QRSL1: variants seen among roughly 807,000 people sequenced by gnomAD.
QRSL1 encodes glutamyl-tRNA(Gln) amidotransferase subunit A, mitochondrial.
A neutral mutation model predicts 61.6 loss-of-function variants in QRSL1; 54 were observed. That is an observed-to-expected ratio of 0.88 (90% CI 0.70 to 1.10). QRSL1 has a LOEUF of 1.10. Among genes scored for constraint, QRSL1 ranks in the 50% least tolerant of loss-of-function variants. The pLI is 0.00. For synonymous variants in QRSL1, 228 were observed against 225.7 expected, an observed-to-expected ratio of 1.01 and a Z score of -0.09; for missense variants, 505 against 622.6, an observed-to-expected ratio of 0.81 and a Z score of 2.01.
At chr6:106,663,881 C>CT (rs1264806451) in intron 10 of QRSL1, among the ~76,000 whole-genome samples, 1 of 152,086 alleles carries the variant, frequency 6.6e-6, no homozygotes, top group Non-Finnish European at 1.5e-5. Flanking sequence ...CTGATATGCC[C>CT]TTCACCTGGA....
intron 9 of QRSL1, among the ~76,000 whole-genome samples, chr6:106,656,083 G>A (rs1456788749): frequency 1.3e-5 from 2 of 152,078 alleles, no homozygotes; most frequent in African/African-American, 4.8e-5. Context: ...TATTTACCTC[G>A]CATTTACATT....
Position 106,655,634 on chromosome 6 carries a change from T to G in QRSL1, c.1062T>G (p.Asp354Glu). The change falls in exon 9 of 11, where the codon GAT becomes GAG. Residue 354 changes from aspartate to glutamate, a missense_variant. Coordinates refer to ENST00000369046, the MANE Select transcript of QRSL1 (RefSeq NM_018292.5). ...GLQYGHRCDI[D>E]VSTEAMYAAT... ...TTTCAGGTCACAGATGTGACATTGA[T>G]GTGTCCACTGAAGCCATGTATGCTG... The G allele has an allele frequency of 6.2e-7, 1 of 1,611,530 alleles. No individual in the cohort carries two copies. Among genetic ancestry groups the G allele is most frequent in the Non-Finnish European group, 8.5e-7 (1 of 1,178,258 alleles).
Position 106,633,548 on chromosome 6 carries a change from A to G in QRSL1, c.24+3843A>G, listed in dbSNP as rs113169626. ...GCTTATGGTAACAGGAGTCCTGGGA[A>G]TAGGCACAAAAAGGAGGTAAAATGC... On this transcript the variant is annotated intron_variant, in intron 1 of 10. Transcript: ENST00000369046. Among the ~76,000 whole-genome samples, 513 of 152,286 alleles carry G rather than the reference A, an allele frequency of 3.4e-3. 5 individuals are homozygous for G. The highest frequency in any genetic ancestry group is 0.012 in the African/African-American group (481 of 41,562).
chr6:106,666,918 A>C lies in QRSL1; in HGVS notation c.*916A>C, dbSNP rs976880120. 6.6e-6 allele frequency: 1 copy of C among 152,194 alleles called. No individual in the cohort carries two copies. The highest frequency in any genetic ancestry group is 2.4e-5 in the African/African-American group (1 of 41,450). The allele number at this position is 152,194 out of a possible 1,614,324, so 9.4% of individuals were successfully genotyped here. ...CAGGGACTCCTTTTATTTCCCTAAG[A>C]AAGAGCTGAAATGACTGAGAACTTT... On this transcript the variant is annotated 3_prime_UTR_variant, in exon 11 of 11. Coordinates refer to ENST00000369046, the MANE Select transcript of QRSL1 (RefSeq NM_018292.5).
At chr6:106,648,155 G>C (rs968764905) in intron 4 of QRSL1, among the ~76,000 whole-genome samples, 13 of 151,826 alleles carry the variant, frequency 8.6e-5, no homozygotes, top group African/African-American at 3.1e-4. Context: ...AATTAGCCCG[G>C]CGTGATGGCA....
chr6:106,657,544 C>T (rs138931193), intron 9 of QRSL1, among the ~76,000 whole-genome samples: 34 of 152,184 alleles, frequency 2.2e-4, no homozygotes, highest in African/African-American at 7.9e-4. Context: ...CTCATGATCA[C>T]CATTTGGGGG....
chr6:106,637,251 G>A (rs1252025853), intron 1 of QRSL1, among the ~76,000 whole-genome samples: 2 of 152,192 alleles, frequency 1.3e-5, no homozygotes, highest in Non-Finnish European at 2.9e-5. Flanking sequence ...GAGATCAAAC[G>A]GATGTTAGTA....
chr6:106,640,452 T>G lies in QRSL1; in HGVS notation c.128T>G (p.Val43Gly), dbSNP rs745909856. The change falls in exon 2 of 11, where the codon GTG becomes GGG. Residue 43 changes from valine to glycine, a missense_variant. Transcript: ENST00000369046. ...AAGTTTCTAAATGCCTACATTACTG[T>G]GTCAGAAGAGGTGGCCTTAAAACAA... ...KTKFLNAYIT[V>G]SEEVALKQAE... 8 of 1,604,390 alleles carry G rather than the reference T, an allele frequency of 5.0e-6. No individual in the cohort carries two copies. Among genetic ancestry groups the G allele is most frequent in the Non-Finnish European group, 5.1e-6 (6 of 1,177,146 alleles).
At position 106,647,556 on chromosome 6, in the gene QRSL1, C is replaced by CAA. The variant is rs56935677; in HGVS notation, c.381-1454_381-1453dup. 1.9e-3 allele frequency among the ~76,000 whole-genome samples: 140 copies of CAA among 75,492 alleles called. 7 individuals are homozygous for CAA. Among genetic ancestry groups the CAA allele is most frequent in the African/African-American group, 3.1e-3 (58 of 18,650 alleles). The allele number at this position is 75,492 out of a possible 152,430, so 49.5% of individuals were successfully genotyped here. A position where few individuals can be genotyped will look rare whatever the true frequency, so the allele number is the denominator to read the frequency against. On this transcript the variant is annotated intron_variant, in intron 4 of 10. Coordinates refer to ENST00000369046, the MANE Select transcript of QRSL1 (RefSeq NM_018292.5). ...CCTGGGCAATAGAGCGAGACTGTCT[C>CAA]AAAAAAAAAAAAAAAAGAGAGAGAC... is the stretch of plus-strand genomic sequence containing the variant.
chr6:106,640,018 C>T, intron 1 of QRSL1: 1 of 198,056 alleles, frequency 5.0e-6, no homozygotes, highest in Non-Finnish European at 1.0e-5. Context: ...CAGAATCTGC[C>T]CTCAGCCATC....
At chr6:106,656,775 G>A (rs887180333) in intron 9 of QRSL1, among the ~76,000 whole-genome samples, 1 of 152,144 alleles carries the variant, frequency 6.6e-6, no homozygotes, top group Admixed American at 6.5e-5. Flanking sequence ...TCCCACCTCA[G>A]CCTCCCTAGT....
At chr6:106,635,556 TACC>T (rs1776906836) in intron 1 of QRSL1, among the ~76,000 whole-genome samples, 1 of 152,154 alleles carries the variant, frequency 6.6e-6, no homozygotes, top group African/African-American at 2.4e-5. Flanking sequence ...CTTCAGCACT[TACC>T]AAGGCAAACT....
intron 9 of QRSL1, 76 bp downstream of exon 9, chr6:106,655,808 C>A: frequency 1.1e-6 from 1 of 916,416 alleles, no homozygotes. Flanking sequence ...TCTTATAAGT[C>A]AAGGTATTTA....
chr6:106,636,316 TA>T, intron 1 of QRSL1, among the ~76,000 whole-genome samples: 2 of 149,484 alleles, frequency 1.3e-5, no homozygotes, highest in African/African-American at 5.0e-5. Flanking sequence ...CCAGCTCTGC[TA>T]CTTTTTTTTT....
intron 3 of QRSL1, 173 bp from the exon 4 acceptor site, chr6:106,642,821 G>A: frequency 1.3e-6 from 1 of 753,690 alleles, no homozygotes; most frequent in Non-Finnish European, 2.4e-6. Flanking sequence ...AGGTACCTGG[G>A]TTCAACTGAC....
At chr6:106,654,645 TAA>T in intron 7 of QRSL1, 83 bp from the exon 8 acceptor site, 1 of 1,206,624 alleles carries the variant, frequency 8.3e-7, no homozygotes, top group Non-Finnish European at 1.2e-6. Flanking sequence ...CAGATTTTTA[TAA>T]AATCATCTAT....
chr6:106,632,870 C>T (rs1417408058), intron 1 of QRSL1, among the ~76,000 whole-genome samples: 1 of 152,172 alleles, frequency 6.6e-6, no homozygotes, highest in Non-Finnish European at 1.5e-5. Flanking sequence ...CCCTTGTCAG[C>T]TGGAGTGTGA....
At chr6:106,652,699 T>G in intron 7 of QRSL1, 117 bp downstream of exon 7, 1 of 1,558,100 alleles carries the variant, frequency 6.4e-7, no homozygotes, top group Non-Finnish European at 8.7e-7. Flanking sequence ...ATTAATCATG[T>G]GAGTTGAGTA....
At chr6:106,643,766 G>A (rs1249875668) in intron 4 of QRSL1, among the ~76,000 whole-genome samples, 1 of 151,772 alleles carries the variant, frequency 6.6e-6, no homozygotes, top group African/African-American at 2.4e-5. Flanking sequence ...TTTTCTTCAA[G>A]TCTCTGGTTT....
Sources: gnomAD v4.1 joint callset for allele counts (sites outside exome capture counted in the v4.1 genomes callset) on GRCh38, gnomAD v4.1.1 for gene constraint, MANE v1.5 for transcripts, NCBI Gene and HGNC (gene_info 2026-07-23, HGNC 2026-07-21) for gene names.